The following TTLL4 variants were observed in gnomAD, a reference collection of about 807,000 sequenced individuals.
TTLL4 encodes tubulin monoglutamylase TTLL4.
A neutral mutation model predicts 122.7 loss-of-function variants in TTLL4; 85 were observed. The observed-to-expected ratio is 0.69, with a 90% CI of 0.58 to 0.83. The LOEUF (loss-of-function observed/expected upper bound fraction) is 0.83, where lower values mean the gene tolerates loss of function less well. TTLL4 is among the 40% of genes least tolerant of loss of function. TTLL4 has a pLI of 0.00. For synonymous variants in TTLL4, 553 were observed against 563.0 expected, an observed-to-expected ratio of 0.98 and a Z score of 0.25; for missense variants, 1,363 against 1,488.6, an observed-to-expected ratio of 0.92 and a Z score of 1.39.
At chr2:218,749,426 C>T (rs200208418) in intron 14 of TTLL4, 39 bp downstream of exon 14, 96 of 1,608,212 alleles carry the variant, frequency 6.0e-5, no homozygotes, top group Non-Finnish European at 1.7e-5. Flanking sequence ...TAGAATCCTT[C>T]CATTATTCTC....
intron 18 of TTLL4, 27 bp from the exon 19 acceptor site, chr2:218,753,557 T>G (rs533829583): frequency 1.2e-6 from 2 of 1,612,272 alleles, no homozygotes; most frequent in African/African-American, 2.7e-5. Context: ...CCAAGCCTTT[T>G]GGTCTCATTG....
chr2:218,730,398 C>CTCGG (rs1465737023), intron 2 of TTLL4, among the ~76,000 whole-genome samples: 1 of 145,692 alleles, frequency 6.9e-6, no homozygotes, highest in African/African-American at 2.5e-5. Context: ...GCCCCAGCTA[C>CTCGG]TCGGGAGGCT....
At chr2:218,757,027 A>G (rs1360758884), downstream of TTLL4, among the ~76,000 whole-genome samples, 4 of 152,204 alleles carry the variant, frequency 2.6e-5, no homozygotes, top group African/African-American at 7.2e-5. Flanking sequence ...TGGGCATGTC[A>G]TCTAACTTTT....
chr2:218,750,156 C>T lies in TTLL4; in HGVS notation c.2873+10C>T. On this transcript the variant is annotated intron_variant, in intron 15 of 19. Coordinates refer to ENST00000392102, the MANE Select transcript of TTLL4 (RefSeq NM_014640.5). ...GCAGCTCCACCACCAGGTGAGGCCC[C>T]TATTTCTTCACAGCTCTGCTGGCAG... 5 of 1,612,974 alleles carry T rather than the reference C, an allele frequency of 3.1e-6. No individual in the cohort carries two copies. Among genetic ancestry groups the T allele is most frequent in the Non-Finnish European group, 4.2e-6 (5 of 1,179,618 alleles).
chr2:218,758,273 A>G (rs1943188088), downstream of TTLL4, among the ~76,000 whole-genome samples: 1 of 152,248 alleles, frequency 6.6e-6, no homozygotes, highest in Non-Finnish European at 1.5e-5. Context: ...TGCCACAGGC[A>G]AAGCTAACAG....
At chr2:218,748,568 T>C (rs1351072403) in intron 12 of TTLL4, 5 of 425,942 alleles carry the variant, frequency 1.2e-5, no homozygotes, top group Non-Finnish European at 2.1e-5. Flanking sequence ...GGCAGGAGAA[T>C]CACTTGAACC....
Position 218,745,141 on chromosome 2 carries a change from C to T in TTLL4, c.1694C>T (p.Ser565Phe). 6.2e-7 allele frequency: 1 copy of T among 1,614,066 alleles called. No homozygotes were observed. Among genetic ancestry groups the T allele is most frequent in the South Asian group, 1.1e-5 (1 of 91,072 alleles). The change falls in exon 6 of 20, where the codon TCC becomes TTC. Residue 565 changes from serine (S) to phenylalanine (F), a missense_variant. Physicochemically the swap from Ser to Phe is radical, Grantham distance 155 (BLOSUM62 -2). Transcript: ENST00000392102. ...SCMEILTKPL[S>F]NHEKVVRPAL... is the part of the protein sequence containing the mutation. ...ATGGAAATTCTGACCAAACCCCTTT[C>T]CAATCATGAGAAAGTTGTCCGACCA... is the stretch of plus-strand genomic sequence containing the variant.
Position 218,727,305 on chromosome 2 carries a change from C to CTTGATCCA in TTLL4, c.-137_-130dup, listed in dbSNP as rs1942224917. The CTTGATCCA allele has an allele frequency of 6.6e-6, 1 of 152,082 alleles. No individual in the cohort carries two copies. The highest frequency in any genetic ancestry group is 2.4e-5 in the African/African-American group (1 of 41,410). 9.4% of individuals were successfully genotyped at this position (152,082 alleles called of 1,614,324 possible). ...TCAAGCTCACTGATATTTTCCTCTG[C>CTTGATCCA]TTGATCCATTGTGCTGTTGAGAGCC... On this transcript the variant is annotated 5_prime_UTR_variant, in exon 2 of 20. Coordinates refer to ENST00000392102, the MANE Select transcript of TTLL4 (RefSeq NM_014640.5).
intron 1 of TTLL4, among the ~76,000 whole-genome samples, chr2:218,725,076 T>TTTA (rs1942150656): frequency 6.6e-6 from 1 of 152,042 alleles, no homozygotes; most frequent in Non-Finnish European, 1.5e-5. Flanking sequence ...ATTTTTATTT[T>TTTA]TTATTATTAT....
intron 6 of TTLL4, 128 bp from the exon 7 acceptor site, chr2:218,745,563 C>T (rs899705289): frequency 1.4e-6 from 1 of 700,116 alleles, no homozygotes; most frequent in African/African-American, 1.8e-5. Context: ...AAACCCTGAT[C>T]TGGAGCAATA....
At chr2:218,757,542 C>T (rs1287416757), downstream of TTLL4, among the ~76,000 whole-genome samples, 1 of 152,154 alleles carries the variant, frequency 6.6e-6, no homozygotes, top group Admixed American at 6.5e-5. Context: ...AGGGGAGAAG[C>T]AGGGTACAGA....
chr2:218,755,517 T>C (rs1242913227), downstream of TTLL4: 2 of 152,190 alleles, frequency 1.3e-5, no homozygotes, highest in Non-Finnish European at 2.9e-5. Flanking sequence ...AAGTGGAACC[T>C]GGGAACAGCA....
chr2:218,751,571 TCAAGTA>T, intron 15 of TTLL4, 127 bp from the exon 16 acceptor site: 1 of 1,353,788 alleles, frequency 7.4e-7, no homozygotes, highest in Non-Finnish European at 9.5e-7. Flanking sequence ...AACCTACTAC[TCAAGTA>T]ACCTCTGTTC....
intron 2 of TTLL4, among the ~76,000 whole-genome samples, chr2:218,736,673 G>C (rs1196754722): frequency 6.6e-6 from 1 of 152,102 alleles, no homozygotes; most frequent in African/African-American, 2.4e-5. Flanking sequence ...ATTTAAATCT[G>C]TATAGTTAGC....
intron 14 of TTLL4, 80 bp downstream of exon 14, chr2:218,749,467 CTT>C (rs368058156): frequency 4.5e-3 from 5,534 of 1,242,710 alleles, no homozygotes; most frequent in Admixed American, 6.6e-3. Flanking sequence ...GTAAGTTGTT[CTT>C]TTTTTTTTTT....
chr2:218,751,883 T>C, intron 16 of TTLL4, 77 bp downstream of exon 16: 2 of 955,576 alleles, frequency 2.1e-6, no homozygotes, highest in Non-Finnish European at 3.0e-6. Context: ...AGCAAACAGC[T>C]TTTCTTTTTT....
intron 5 of TTLL4, among the ~76,000 whole-genome samples, chr2:218,744,059 C>T (rs1942776623): frequency 6.6e-6 from 1 of 152,108 alleles, no homozygotes; most frequent in African/African-American, 2.4e-5. Flanking sequence ...AACCAAAAGC[C>T]TTTGAAGAAA....
chr2:218,750,266 C>T, intron 15 of TTLL4, 120 bp downstream of exon 15: 1 of 1,368,246 alleles, frequency 7.3e-7, no homozygotes, highest in South Asian at 1.4e-5. Flanking sequence ...CTCAATCTTG[C>T]CCCTACAGTC....
intron 1 of TTLL4, among the ~76,000 whole-genome samples, chr2:218,721,890 G>A (rs1942050818): frequency 6.6e-6 from 1 of 152,114 alleles, no homozygotes; most frequent in Non-Finnish European, 1.5e-5. Context: ...TTGAGAGGCT[G>A]AGGCAAGAGG....
Sources: gnomAD v4.1 joint callset for allele counts (sites outside exome capture counted in the v4.1 genomes callset) on GRCh38, gnomAD v4.1.1 for gene constraint, MANE v1.5 for transcripts, NCBI Gene and HGNC (gene_info 2026-07-23, HGNC 2026-07-21) for gene names.